Variants in AIG1 observed in about 807,000 individuals in gnomAD.
AIG1 encodes androgen induced 1, also known as androgen-induced gene 1 protein.
AIG1 carries 23 observed loss-of-function variants against 31.4 expected under a neutral mutation model. The ratio of observed to expected loss-of-function variants is 0.73; its 90% CI spans 0.53 to 1.04. The LOEUF (loss-of-function observed/expected upper bound fraction) is 1.04, where lower values mean the gene tolerates loss of function less well. AIG1 is among the 50% of genes least tolerant of loss of function. The pLI, the probability that AIG1 is intolerant of heterozygous loss-of-function variation, is 0.00. For synonymous variants in AIG1, 100 were observed against 110.5 expected (o/e 0.90, Z 0.60); for missense variants, 274 against 295.0 (o/e 0.93, Z 0.52).
chr6:143,187,527 T>A (rs1789375857), intron 3 of AIG1: 1 of 1,535,052 alleles, frequency 6.5e-7, no homozygotes. Flanking sequence ...TAACCTGTTT[T>A]TCACACTGGG....
intron 3 of AIG1, among the ~76,000 whole-genome samples, chr6:143,278,448 A>T (rs895295482): frequency 6.7e-6 from 1 of 150,372 alleles, no homozygotes; most frequent in Non-Finnish European, 1.5e-5. Flanking sequence ...TCATGCCAGT[A>T]TATCTTTTTT....
intron 1 of AIG1, among the ~76,000 whole-genome samples, chr6:143,095,824 C>T (rs1251835174): frequency 6.7e-6 from 1 of 149,646 alleles, no homozygotes; most frequent in Non-Finnish European, 1.5e-5. Flanking sequence ...TGATATAAAA[C>T]TAAAATGTCA....
At chr6:143,317,905 A>G (rs1284872889) in intron 4 of AIG1, among the ~76,000 whole-genome samples, 14 of 152,086 alleles carry the variant, frequency 9.2e-5, no homozygotes, top group Admixed American at 9.2e-4. Flanking sequence ...TAGCTGCAAA[A>G]AATAAAATAA....
chr6:143,161,707 C>T (rs1005090897), intron 2 of AIG1, among the ~76,000 whole-genome samples: 3 of 151,830 alleles, frequency 2.0e-5, no homozygotes, highest in South Asian at 2.1e-4. Context: ...AAGTATGAAA[C>T]AAAACCATCT....
intron 4 of AIG1, among the ~76,000 whole-genome samples, chr6:143,303,533 T>C (rs188755597): frequency 5.9e-5 from 9 of 152,346 alleles, no homozygotes; most frequent in African/African-American, 2.2e-4. Context: ...ATTAGATAGT[T>C]GTAGATATGT....
At chr6:143,109,227 T>TAAGAGG (rs543210102) in intron 1 of AIG1, among the ~76,000 whole-genome samples, 73 of 152,362 alleles carry the variant, frequency 4.8e-4, no homozygotes, top group African/African-American at 1.7e-3. Flanking sequence ...TTCATTACTA[T>TAAGAGG]ACAAGATTCC....
At chr6:143,074,816 C>T (rs1437430728) in intron 1 of AIG1, among the ~76,000 whole-genome samples, 2 of 152,072 alleles carry the variant, frequency 1.3e-5, no homozygotes, top group African/African-American at 2.4e-5. Flanking sequence ...GAACATTTGT[C>T]AATAGTGTGT....
rs1236473860 is a variant in AIG1, at chr6:143,298,431, A to T, written c.515+14206A>T. On this transcript the variant is annotated intron_variant, in intron 4 of 5. Coordinates refer to ENST00000357847, the MANE Select transcript of AIG1 (RefSeq NM_016108.4). The surrounding 1 kb of genome is among the most constrained non-coding windows in gnomAD (Gnocchi z 5.1). The stretch of plus-strand genomic sequence containing the variant: ...AAAATGTATTATAAAGAAATAGTTA[A>T]TATGAATACAAGGTGAAACAGTGCT... 6.6e-6 allele frequency among the ~76,000 whole-genome samples: 1 copy of T among 152,272 alleles called. No homozygotes were observed. The highest frequency in any genetic ancestry group is 2.4e-5 in the African/African-American group (1 of 41,476).
chr6:143,251,047 A>G (rs956700076), intron 3 of AIG1, among the ~76,000 whole-genome samples: 4 of 152,040 alleles, frequency 2.6e-5, no homozygotes, highest in African/African-American at 9.7e-5. Context: ...GTGACAGAAT[A>G]CATTGATTGT....
At chr6:143,097,582 G>A (rs1459497427) in intron 1 of AIG1, among the ~76,000 whole-genome samples, 1 of 152,134 alleles carries the variant, frequency 6.6e-6, no homozygotes, top group Non-Finnish European at 1.5e-5. Context: ...GTACTGTGCT[G>A]ACCAACCAGC....
chr6:143,151,577 C>T (rs1008894456), intron 2 of AIG1, among the ~76,000 whole-genome samples: 20 of 152,094 alleles, frequency 1.3e-4, no homozygotes, highest in African/African-American at 3.6e-4. Flanking sequence ...TGTGGGTGTC[C>T]TAGTGTGCTA....
intron 4 of AIG1, among the ~76,000 whole-genome samples, chr6:143,287,210 A>G (rs1797743754): frequency 6.6e-6 from 1 of 152,076 alleles, no homozygotes; most frequent in East Asian, 1.9e-4. Flanking sequence ...TTCCGGATAC[A>G]TACAGAGGTC....
intron 1 of AIG1, among the ~76,000 whole-genome samples, chr6:143,071,136 CT>C (rs1356867841): frequency 6.6e-6 from 1 of 152,174 alleles, no homozygotes; most frequent in Non-Finnish European, 1.5e-5. Flanking sequence ...TTAATTTGTT[CT>C]TTCTATGATT....
At chr6:143,118,352 G>A (rs558300133) in intron 1 of AIG1, among the ~76,000 whole-genome samples, 41 of 152,096 alleles carry the variant, frequency 2.7e-4, no homozygotes, top group Admixed American at 9.2e-4. Context: ...CCAGCTACTC[G>A]AGAGGCTGAG....
In AIG1 at chr6:143,118,554, GAC is replaced by G. The variant is rs539043829; in HGVS notation, c.142-18280_142-18279del. The stretch of plus-strand genomic sequence containing the variant: ...AAAAATACCGAAAGATTGGACTTAA[GAC>G]GGGCCAGTTTTTCTAGGTTAAAGAT... On this transcript the variant is annotated intron_variant, in intron 1 of 5. Coordinates refer to ENST00000357847, the MANE Select transcript of AIG1 (RefSeq NM_016108.4). 6.6e-5 allele frequency among the ~76,000 whole-genome samples: 10 copies of G among 152,020 alleles called. No individual in the cohort carries two copies. The East Asian group carries it at 1.9e-3, about 29-fold the overall frequency.
intron 1 of AIG1, among the ~76,000 whole-genome samples, chr6:143,096,523 G>A (rs1468311045): frequency 6.6e-6 from 1 of 152,204 alleles, no homozygotes; most frequent in Non-Finnish European, 1.5e-5. Flanking sequence ...ACCTCACCCA[G>A]TCAGATGGCT....
Position 143,119,480 on chromosome 6 carries a change from A to G in AIG1, c.142-17355A>G, listed in dbSNP as rs535771559. ...AGGCAGGCAGCTTGTACTTACCTTA[A>G]CAGATGCATACTTTGGAAGTGAACA... On this transcript the variant is annotated intron_variant, in intron 1 of 5. Transcript: ENST00000357847. Among the ~76,000 whole-genome samples the G allele has an allele frequency of 2.0e-5, 3 of 152,308 alleles. No homozygotes were observed. The East Asian group carries it at 5.8e-4, about 29-fold the overall frequency.
chr6:143,122,681 A>G (rs1375725359), intron 1 of AIG1, among the ~76,000 whole-genome samples: 1 of 152,154 alleles, frequency 6.6e-6, no homozygotes. Flanking sequence ...TTAGTTCTTC[A>G]TAGTGTTTTT....
At chr6:143,240,433 G>A (rs915398812) in intron 3 of AIG1, among the ~76,000 whole-genome samples, 2 of 152,142 alleles carry the variant, frequency 1.3e-5, no homozygotes, top group Non-Finnish European at 2.9e-5. Flanking sequence ...ATCTTAACAT[G>A]GCAAGATAAT....
Sources: allele counts gnomAD v4.1 joint callset (sites outside exome capture counted in the v4.1 genomes callset), GRCh38; gene constraint gnomAD v4.1.1; non-coding constraint Gnocchi (gnomAD v3.1); transcripts MANE v1.5; gene names NCBI Gene and HGNC (gene_info 2026-07-23, HGNC 2026-07-21).